Variants in PLA2G6 observed in about 807,000 individuals in gnomAD.
PLA2G6 encodes the protein phospholipase A2 group VI.
In PLA2G6, 62 loss-of-function variants were observed where a neutral mutation model predicts 83.8. That is an observed-to-expected ratio of 0.74 (90% CI 0.60 to 0.91). The LOEUF (loss-of-function observed/expected upper bound fraction) is 0.91, where lower values mean the gene tolerates loss of function less well. Ranked by LOEUF, PLA2G6 falls within the 40% of genes least tolerant of loss-of-function variation. PLA2G6 has a pLI of 0.00. For synonymous variants in PLA2G6, 417 were observed against 449.8 expected, an observed-to-expected ratio of 0.93 and a Z score of 0.92; for missense variants, 944 against 1,102.0, an observed-to-expected ratio of 0.86 and a Z score of 2.03.
intron 1 of PLA2G6, among the ~76,000 whole-genome samples, chr22:38,172,181 C>G (rs1353673208): frequency 2.0e-5 from 3 of 152,184 alleles, no homozygotes; most frequent in Non-Finnish European, 4.4e-5. Context: ...GTCTGACAAC[C>G]ACTCTATGAA....
At chr22:38,155,510 A>C (rs1313988954) in intron 2 of PLA2G6, among the ~76,000 whole-genome samples, 11 of 152,226 alleles carry the variant, frequency 7.2e-5, no homozygotes. Flanking sequence ...CAGTACAATA[A>C]GTTAAAAAGT....
rs1295027225 is a variant in PLA2G6, at chr22:38,123,060, C to T, written c.1591+35G>A. On this transcript the variant is annotated intron_variant, in intron 11 of 16. Transcript: ENST00000332509. The surrounding 1 kb of genome is among the most constrained non-coding windows in gnomAD (Gnocchi z 4.1). ...GGCCCCTTGAGGACACAGGTCTCAG[C>T]CCCGCCTGGCCCCATCCCCAGGGGC... 6.5e-7 allele frequency: 1 copy of T among 1,541,400 alleles called. No individual in the cohort carries two copies. The highest frequency in any genetic ancestry group is 8.7e-7 in the Non-Finnish European group (1 of 1,143,640).
At position 38,127,143 on chromosome 22, in the gene PLA2G6, C is replaced by T. The variant is rs528682954; in HGVS notation, c.1349-694G>A. On this transcript the variant is annotated intron_variant, in intron 9 of 16. Transcript: ENST00000332509. The stretch of plus-strand genomic sequence containing the variant: ...GGTGCAGCAGCCCGCGTGACCCCAA[C>T]TCTGACAGCCCCCCACCACTGTGCA... The T allele has an allele frequency of 3.7e-5, 42 of 1,139,194 alleles. No homozygotes were observed. The South Asian group carries it at 7.7e-4, about 21-fold the overall frequency. 70.6% of individuals were successfully genotyped at this position (1,139,194 alleles called of 1,614,324 possible).
At chr22:38,165,101 C>T (rs986865109) in intron 2 of PLA2G6, among the ~76,000 whole-genome samples, 2 of 152,220 alleles carry the variant, frequency 1.3e-5, no homozygotes, top group Admixed American at 6.5e-5. Flanking sequence ...CCACCTCCCA[C>T]TTCCCAGCTC....
At position 38,140,005 on chromosome 22, in the gene PLA2G6, C is replaced by T. The variant is rs565259549; in HGVS notation, c.774G>A (p.Ser258=). Residue 258 remains serine, a synonymous_variant, in exon 5 of 17, where the codon TCG becomes TCA. Coordinates refer to ENST00000332509, the MANE Select transcript of PLA2G6 (RefSeq NM_003560.4). The part of the protein sequence containing the change: ...IMGPNGYPIH[S]AMKFSQKGCA... ...ACCCCTTCTGAGAGAACTTCATGGC[C>T]GAGTGGATGGGGTAGCCGTTGGGGC... 41 of 1,605,372 alleles carry T rather than the reference C, an allele frequency of 2.6e-5. 2 individuals carry two copies. The South Asian group carries it at 2.8e-4, about 11-fold the overall frequency.
intron 7 of PLA2G6, 113 bp from the exon 8 acceptor site, chr22:38,129,675 C>A (rs951179982): frequency 1.5e-5 from 11 of 754,652 alleles, no homozygotes; most frequent in Non-Finnish European, 2.2e-5. Context: ...CTCTCCTCAG[C>A]ACGGGGAGAC....
intron 11 of PLA2G6, 90 bp from the exon 12 acceptor site, chr22:38,120,999 G>T: frequency 6.7e-7 from 1 of 1,498,362 alleles, no homozygotes. Context: ...AACGCAGGAG[G>T]TGGCAGGAGG....
chr22:38,169,247 G>A lies in PLA2G6; in HGVS notation c.180C>T (p.Val60=), dbSNP rs1254436287. The change falls in exon 2 of 17, where the codon GTC becomes GTT. Residue 60 remains valine (V), a synonymous_variant. Coordinates refer to ENST00000332509, the MANE Select transcript of PLA2G6 (RefSeq NM_003560.4). ...TPNRTWDCVL[V]NPRNSQSGFR... ...ATCCACTCTGTGAGTTCCTGGGGTT[G>A]ACCAGGACGCAGTCCCAGGTGCGGT... 2.5e-6 allele frequency: 4 copies of A among 1,613,946 alleles called. No individual in the cohort carries two copies. The Admixed American group carries it at 6.7e-5, about 27-fold the overall frequency.
intron 6 of PLA2G6, chr22:38,134,615 C>T (rs1036563402): frequency 4.0e-6 from 1 of 247,524 alleles, no homozygotes; most frequent in African/African-American, 2.2e-5. Flanking sequence ...TATATATCTC[C>T]TGTTAGTTCT....
chr22:38,116,250 G>A (rs1251319260), intron 12 of PLA2G6, 39 bp from the exon 13 acceptor site: 11 of 1,611,232 alleles, frequency 6.8e-6, no homozygotes, highest in South Asian at 1.1e-5. Context: ...TGAGCCACCC[G>A]CCCATCCACC....
intron 2 of PLA2G6, chr22:38,147,289 G>T: frequency 6.2e-6 from 1 of 162,346 alleles, no homozygotes. Flanking sequence ...ATATGTCAGT[G>T]ATGGTTACTT....
intron 16 of PLA2G6, 79 bp downstream of exon 16, chr22:38,112,425 C>T: frequency 6.6e-7 from 1 of 1,511,604 alleles, no homozygotes. Context: ...AAAGTCCACA[C>T]TAGGGCTGGG....
chr22:38,114,625 C>G (rs954212960), intron 14 of PLA2G6, among the ~76,000 whole-genome samples: 1 of 152,218 alleles, frequency 6.6e-6, no homozygotes, highest in Non-Finnish European at 1.5e-5. Context: ...GACAGTCTGA[C>G]GGTCTCTGCC....
intron 12 of PLA2G6, among the ~76,000 whole-genome samples, chr22:38,118,035 CA>C (rs200489859): frequency 0.4 from 44,298 of 109,604 alleles, 6,879 homozygotes; most frequent in Middle Eastern, 0.49. Context: ...GACTCCATCT[CA>C]AAAAAAAAAA....
At chr22:38,174,870 G>A (rs1410601055) in intron 1 of PLA2G6, among the ~76,000 whole-genome samples, 1 of 152,114 alleles carries the variant, frequency 6.6e-6, no homozygotes, top group Non-Finnish European at 1.5e-5. Context: ...TGTCAGTCAC[G>A]CCCCTCGCCA....
intron 4 of PLA2G6, chr22:38,140,941 CCAGCACTTTGGGAGGCCGAGG>C (rs1455730689): frequency 6.6e-6 from 1 of 152,342 alleles, no homozygotes; most frequent in African/African-American, 2.4e-5. Context: ...GCCTGTAATC[CCAGCACTTTGGGAGGCCGAGG>C]CAGGCGGATC....
intron 1 of PLA2G6, among the ~76,000 whole-genome samples, chr22:38,176,764 G>A (rs763925723): frequency 2.6e-5 from 4 of 152,198 alleles, no homozygotes; most frequent in African/African-American, 4.8e-5. Flanking sequence ...GCAGCCGGGC[G>A]CGGTGGCTCA....
At chr22:38,127,508 G>A in intron 9 of PLA2G6, 1 of 1,197,006 alleles carries the variant, frequency 8.4e-7, no homozygotes, top group Non-Finnish European at 1.1e-6. Flanking sequence ...GTTCCTGGGA[G>A]GGGAGAGAGA....
chr22:38,129,935 G>A (rs1424860408), intron 7 of PLA2G6, among the ~76,000 whole-genome samples: 1 of 152,212 alleles, frequency 6.6e-6, no homozygotes, highest in Non-Finnish European at 1.5e-5. Flanking sequence ...GAGTAGCAAG[G>A]AGAGGGTGGG....
Sources: allele counts gnomAD v4.1 joint callset (sites outside exome capture counted in the v4.1 genomes callset), GRCh38; gene constraint gnomAD v4.1.1; non-coding constraint Gnocchi (gnomAD v3.1); transcripts MANE v1.5; gene names NCBI Gene and HGNC (gene_info 2026-07-23, HGNC 2026-07-21).